MACROD2: variants seen among roughly 807,000 people sequenced by gnomAD.
MACROD2 encodes the protein ADP-ribose glycohydrolase MACROD2.
In MACROD2, 36 loss-of-function variants were observed where a neutral mutation model predicts 70.4. That is an observed-to-expected ratio of 0.51 (90% CI 0.39 to 0.68). MACROD2 has a LOEUF of 0.68. MACROD2 is among the 30% of genes least tolerant of loss of function. The pLI is 0.00. For missense variants in MACROD2, 496 were observed against 538.4 expected, an observed-to-expected ratio of 0.92 and a Z score of 0.78; for synonymous variants, 172 against 178.8, an observed-to-expected ratio of 0.96 and a Z score of 0.30.
intron 3 of MACROD2, among the ~76,000 whole-genome samples, chr20:14,481,634 A>G (rs1365812981): frequency 6.6e-6 from 1 of 152,198 alleles, no homozygotes; most frequent in Non-Finnish European, 1.5e-5. Context: ...CTATTTTGAA[A>G]TAATTTGGGA....
chr20:15,414,352 G>C (rs1429883515), intron 6 of MACROD2, among the ~76,000 whole-genome samples: 1 of 152,182 alleles, frequency 6.6e-6, no homozygotes, highest in African/African-American at 2.4e-5. Flanking sequence ...CACTGAATTA[G>C]AATTTTCATT....
intron 2 of MACROD2, among the ~76,000 whole-genome samples, chr20:14,084,187 A>C (rs2054045177): frequency 6.6e-6 from 1 of 151,786 alleles, no homozygotes; most frequent in Non-Finnish European, 1.5e-5. Flanking sequence ...GTCTTGGCCA[A>C]ATTTTTTTTT....
intron 5 of MACROD2, among the ~76,000 whole-genome samples, chr20:14,947,129 T>G (rs1178951078): frequency 2.0e-5 from 3 of 152,214 alleles, no homozygotes. Flanking sequence ...ATCTTAGAGC[T>G]GGATGAGTTT....
At chr20:14,045,072 TC>T (rs2053450088) in intron 2 of MACROD2, among the ~76,000 whole-genome samples, 2 of 152,174 alleles carry the variant, frequency 1.3e-5, no homozygotes, top group African/African-American at 2.4e-5. Context: ...GGCTTGCCGC[TC>T]CGAGTGCGGG....
intron 3 of MACROD2, among the ~76,000 whole-genome samples, chr20:14,287,912 G>T (rs2082357594): frequency 6.6e-6 from 1 of 152,016 alleles, no homozygotes; most frequent in Non-Finnish European, 1.5e-5. Context: ...GCCATCCCTG[G>T]GAGAGAGAAA....
chr20:14,642,589 T>C (rs1985156410), intron 4 of MACROD2, among the ~76,000 whole-genome samples: 1 of 152,132 alleles, frequency 6.6e-6, no homozygotes, highest in African/African-American at 2.4e-5. Flanking sequence ...ATTATATAGT[T>C]ATTAAGTGGC....
chr20:15,796,304 A>G (rs1002754403), intron 8 of MACROD2, among the ~76,000 whole-genome samples: 2 of 152,214 alleles, frequency 1.3e-5, no homozygotes, highest in Admixed American at 1.3e-4. Context: ...CGCAAGGCAG[A>G]TGGACACATT....
chr20:14,813,769 A>C (rs1040816212), intron 5 of MACROD2, among the ~76,000 whole-genome samples: 1 of 151,948 alleles, frequency 6.6e-6, no homozygotes, highest in African/African-American at 2.4e-5. Context: ...TTTGTATAGA[A>C]GTTTCATTAT....
intron 17 of MACROD2, 149 bp from the exon 18 acceptor site, chr20:16,049,681 C>G: frequency 1.4e-6 from 1 of 707,694 alleles, no homozygotes; most frequent in South Asian, 2.0e-5. Context: ...GTTCAGACAT[C>G]TAAAGCTCTT....
intron 4 of MACROD2, among the ~76,000 whole-genome samples, chr20:14,606,811 G>A (rs578012597): frequency 6.6e-6 from 1 of 152,106 alleles, no homozygotes; most frequent in African/African-American, 2.4e-5. Flanking sequence ...TTATTTGTTA[G>A]AGTGACTTCA....
intron 5 of MACROD2, among the ~76,000 whole-genome samples, chr20:14,801,638 G>A (rs1368169495): frequency 6.6e-6 from 1 of 152,038 alleles, no homozygotes; most frequent in Non-Finnish European, 1.5e-5. Flanking sequence ...TTTCCAGGGA[G>A]AGTTTTATGT....
At chr20:15,500,394 C>T (rs1415726299) in intron 8 of MACROD2, among the ~76,000 whole-genome samples, 1 of 152,154 alleles carries the variant, frequency 6.6e-6, no homozygotes, top group Non-Finnish European at 1.5e-5. Context: ...TCCTCCTATT[C>T]TGCTTACTTA....
chr20:14,696,650 TTC>T (rs745688395), intron 5 of MACROD2, among the ~76,000 whole-genome samples: 10 of 152,340 alleles, frequency 6.6e-5, no homozygotes, highest in Admixed American at 2.0e-4. Context: ...GAAAGATTTA[TTC>T]TCTCTGTGTG....
intron 8 of MACROD2, among the ~76,000 whole-genome samples, chr20:15,523,964 G>C (rs1225941630): frequency 1.3e-5 from 2 of 152,056 alleles, no homozygotes; most frequent in Non-Finnish European, 2.9e-5. Context: ...TCCAGATCTA[G>C]GAACTGCAGC....
intron 8 of MACROD2, among the ~76,000 whole-genome samples, chr20:15,567,451 C>T (rs2048325265): frequency 6.6e-6 from 1 of 152,048 alleles, no homozygotes; most frequent in South Asian, 2.1e-4. Flanking sequence ...GCTGCCAACA[C>T]CTGGGAATAA....
chr20:15,475,570 G>C (rs2047011974), intron 7 of MACROD2, among the ~76,000 whole-genome samples: 1 of 152,202 alleles, frequency 6.6e-6, no homozygotes, highest in Admixed American at 6.5e-5. Context: ...CCATCATTGT[G>C]TTCCCTCAGC....
intron 3 of MACROD2, chr20:14,127,456 G>T: frequency 2.1e-6 from 1 of 485,770 alleles, no homozygotes; most frequent in Non-Finnish European, 3.8e-6. Flanking sequence ...CTGTTCTGAA[G>T]AGGCTGGAGC....
chr20:14,996,667 G>A (rs77820591), intron 5 of MACROD2, among the ~76,000 whole-genome samples: 5,532 of 152,216 alleles, frequency 0.036, 355 homozygotes, highest in African/African-American at 0.13. Context: ...GCTGCTTGGC[G>A]CAGAGAGATA....
intron 3 of MACROD2, among the ~76,000 whole-genome samples, chr20:14,121,767 A>G (rs1248012808): frequency 1.3e-5 from 2 of 152,072 alleles, no homozygotes; most frequent in Non-Finnish European, 2.9e-5. Context: ...TTTTCTATTG[A>G]TCTCCTTTTT....
Sources: allele counts gnomAD v4.1 joint callset (sites outside exome capture counted in the v4.1 genomes callset), GRCh38; gene constraint gnomAD v4.1.1; transcripts MANE v1.5; gene names NCBI Gene and HGNC (gene_info 2026-07-23, HGNC 2026-07-21).